OBP2B: variants seen among roughly 807,000 people sequenced by gnomAD.
OBP2B encodes the protein odorant binding protein 2B, also known as odorant-binding protein 2b.
OBP2B carries 10 observed loss-of-function variants against 21.7 expected under a neutral mutation model. That is an observed-to-expected ratio of 0.46 (90% CI 0.28 to 0.78). The LOEUF (loss-of-function observed/expected upper bound fraction) is 0.78, where lower values mean the gene tolerates loss of function less well. OBP2B is among the 30% of genes least tolerant of loss of function. OBP2B has a pLI of 0.11. For missense variants in OBP2B, 153 were observed against 217.7 expected (o/e 0.70, Z 1.87); for synonymous variants, 73 against 91.5 (o/e 0.80, Z 1.16).
intron 2 of OBP2B, 47 bp from the exon 3 acceptor site, chr9:133,208,250 G>A (rs1219181684): frequency 1.9e-6 from 3 of 1,609,974 alleles, no homozygotes; most frequent in Middle Eastern, 2.2e-4. Context: ...GACACCCATG[G>A]CCCATCCTCA....
At chr9:133,217,700 C>T in the OBP2B span, among the ~76,000 whole-genome samples, 1 of 152,288 alleles carries the variant, frequency 6.6e-6, no homozygotes, top group African/African-American at 2.4e-5. Context: ...GCTTGCCAGA[C>T]CCAGCCTACA....
At chr9:133,206,962 C>T (rs1833738763) in intron 4 of OBP2B, among the ~76,000 whole-genome samples, 1 of 152,044 alleles carries the variant, frequency 6.6e-6, no homozygotes, top group Admixed American at 6.5e-5. Flanking sequence ...GTGACCCTCC[C>T]CCTTAAGGTG....
intron 2 of OBP2B, 107 bp from the exon 3 acceptor site, chr9:133,208,310 C>T (rs576869828): frequency 1.7e-5 from 27 of 1,594,752 alleles, no homozygotes; most frequent in Admixed American, 1.2e-4. Flanking sequence ...TTCCACTGCC[C>T]CCCACCCCAC....
intron 4 of OBP2B, among the ~76,000 whole-genome samples, chr9:133,207,024 C>T (rs34581573): frequency 0.36 from 54,175 of 151,904 alleles, 10,780 homozygotes; most frequent in East Asian, 0.54. Context: ...TTCATGTCAC[C>T]GAGGGCCATG....
chr9:133,205,522 A>G, intron 6 of OBP2B, 111 bp from the exon 7 acceptor site: 1 of 738,928 alleles, frequency 1.4e-6, no homozygotes, highest in Non-Finnish European at 2.2e-6. Context: ...CTGCTGGGCA[A>G]CCTCGGGGCT....
chr9:133,210,290 T>G (rs1330603938), upstream of OBP2B, among the ~76,000 whole-genome samples: 1 of 152,108 alleles, frequency 6.6e-6, no homozygotes, highest in Non-Finnish European at 1.5e-5. Flanking sequence ...ACCCACACAA[T>G]GGCATCTTTG....
In OBP2B at chr9:133,206,067, C is replaced by T. The variant is rs1485678873; in HGVS notation, c.491-127G>A. On this transcript the variant is annotated intron_variant, in intron 5 of 6. Coordinates refer to ENST00000372034, the MANE Select transcript of OBP2B (RefSeq NM_014581.4). ...CAGAGCGCGGAGCCCCAGACCCCAT[C>T]GCAGCCCAGAGCGCGGAGCCCCAGA... 1.1e-5 allele frequency: 13 copies of T among 1,234,464 alleles called. 1 individual carries two copies. The highest frequency in any genetic ancestry group is 2.9e-5 in the African/African-American group (2 of 67,888). 76.5% of individuals were successfully genotyped at this position (1,234,464 alleles called of 1,614,324 possible).
chr9:133,208,987 C>A, intron 1 of OBP2B, 141 bp downstream of exon 1: 1 of 946,538 alleles, frequency 1.1e-6, no homozygotes, highest in Non-Finnish European at 1.6e-6. Flanking sequence ...AACAATAGGA[C>A]CCCTCCACCA....
the OBP2B span, among the ~76,000 whole-genome samples, chr9:133,222,140 C>T: frequency 3.2e-3 from 493 of 152,246 alleles, 5 homozygotes; most frequent in African/African-American, 0.011. Context: ...TGTGTCAGTG[C>T]GTATGTACTG....
intron 6 of OBP2B, 118 bp downstream of exon 6, chr9:133,205,799 G>C: frequency 7.8e-7 from 1 of 1,286,136 alleles, no homozygotes; most frequent in Admixed American, 1.9e-5. Context: ...CCTCGTGCCT[G>C]ACCCTGGGGG....
upstream of OBP2B, among the ~76,000 whole-genome samples, chr9:133,209,988 G>A (rs868995328): frequency 1.3e-5 from 2 of 152,160 alleles, no homozygotes; most frequent in Non-Finnish European, 2.9e-5. This position sits in a 1 kb window ranked among gnomAD's most constrained non-coding sequence, Gnocchi z 6.0. Context: ...CCATCTCCCT[G>A]TTAGAATATA....
rs1052512 is a variant in OBP2B at position 133,207,258 on chromosome 9, T to C, written c.356A>G (p.His119Arg). 24 of 1,613,618 alleles carry C rather than the reference T, an allele frequency of 1.5e-5. No individual in the cohort carries two copies. Among genetic ancestry groups the C allele is most frequent in the Middle Eastern group, 3.3e-4 (2 of 6,070 alleles). The change falls in exon 4 of 7, where the codon CAT becomes CGT. Residue 119 changes from histidine to arginine, a missense_variant. By Grantham distance (29) the His-to-Arg change is conservative. Around this residue, in one of 2 missense-constraint regions of OBP2B, gnomAD observed 151 missense variants for 186.3 expected, o/e 0.81. Transcript: ENST00000372034. Reference sequence around the variant, plus strand: ...CTTTCCCATGTGGAGCAGGCCCCCATGGTGCTGGTCTTTGCAGTAAAAGAT... The same window carrying C: ...CTTTCCCATGTGGAGCAGGCCCCCACGGTGCTGGTCTTTGCAGTAAAAGAT... ...HYIFYCKDQH[H>R]GGLLHMGKLV...
intron 1 of OBP2B, among the ~76,000 whole-genome samples, chr9:133,208,904 C>A (rs1439932989): frequency 2.6e-5 from 4 of 152,028 alleles, no homozygotes; most frequent in Non-Finnish European, 4.4e-5. Flanking sequence ...GGGCTTCAGG[C>A]GTCAGTGCAG....
At chr9:133,208,044 G>T (rs1833795449) in intron 3 of OBP2B, 89 bp downstream of exon 3, 2 of 1,505,940 alleles carry the variant, frequency 1.3e-6, no homozygotes, top group South Asian at 1.2e-5. Context: ...CTGGCAAAAG[G>T]GCAGCCTGGG....
the OBP2B span, among the ~76,000 whole-genome samples, chr9:133,217,254 T>C: frequency 6.6e-6 from 1 of 152,204 alleles, no homozygotes. Flanking sequence ...ATATTCTAGG[T>C]GCAGGGGACT....
At chr9:133,212,867 G>A (rs1384989858), upstream of OBP2B, among the ~76,000 whole-genome samples, 2 of 152,100 alleles carry the variant, frequency 1.3e-5, no homozygotes, top group East Asian at 3.9e-4. Context: ...GGAGGCGGAG[G>A]TTGCAGTGGG....
At chr9:133,210,967 G>A (rs1833905283), upstream of OBP2B, among the ~76,000 whole-genome samples, 1 of 152,130 alleles carries the variant, frequency 6.6e-6, no homozygotes, top group Non-Finnish European at 1.5e-5. Flanking sequence ...CCTTCTGATG[G>A]TGGCTCCTGT....
the OBP2B span, among the ~76,000 whole-genome samples, chr9:133,220,587 A>G: frequency 6.7e-6 from 1 of 149,996 alleles, no homozygotes; most frequent in African/African-American, 2.5e-5. Flanking sequence ...GGATGTGTGT[A>G]TGTGGTAGAC....
the OBP2B span, among the ~76,000 whole-genome samples, chr9:133,220,034 G>A: frequency 6.6e-6 from 1 of 152,208 alleles, no homozygotes; most frequent in East Asian, 1.9e-4. Context: ...ACATATATAT[G>A]ATTCCATTTC....
Sources: allele counts gnomAD v4.1 joint callset (sites outside exome capture counted in the v4.1 genomes callset), GRCh38; gene constraint gnomAD v4.1.1; regional missense constraint gnomAD v4.1.1; non-coding constraint Gnocchi (gnomAD v3.1); transcripts MANE v1.5; gene names NCBI Gene and HGNC (gene_info 2026-07-23, HGNC 2026-07-21).